Variants in PRKCA observed in about 807,000 individuals in gnomAD.
PRKCA encodes protein kinase C alpha.
In PRKCA, 27 loss-of-function variants were observed where a neutral mutation model predicts 87.0. That is an observed-to-expected ratio of 0.31 (90% CI 0.23 to 0.43). PRKCA has a LOEUF of 0.43. Ranked by LOEUF, PRKCA falls within the 20% of genes least tolerant of loss-of-function variation. The pLI, the probability that PRKCA is intolerant of heterozygous loss-of-function variation, is 1.00. For synonymous variants in PRKCA, 329 were observed against 311.1 expected, an observed-to-expected ratio of 1.06 and a Z score of -0.61; for missense variants, 518 against 852.3, an observed-to-expected ratio of 0.61 and a Z score of 4.88.
intron 2 of PRKCA, among the ~76,000 whole-genome samples, chr17:66,435,345 A>G (rs1216775608): frequency 6.6e-6 from 1 of 152,202 alleles, no homozygotes; most frequent in African/African-American, 2.4e-5. Flanking sequence ...CTTCTTTGTA[A>G]GTGCAGCTTA....
chr17:66,771,185 A>C (rs941134590), intron 13 of PRKCA, among the ~76,000 whole-genome samples: 7 of 151,926 alleles, frequency 4.6e-5, no homozygotes, highest in African/African-American at 7.3e-5. Flanking sequence ...TTGTATTTTT[A>C]GTAGAAACGG....
chr17:66,793,201 G>A (rs1446081466), intron 16 of PRKCA, among the ~76,000 whole-genome samples: 22 of 152,242 alleles, frequency 1.4e-4, no homozygotes, highest in Non-Finnish European at 7.3e-5. Flanking sequence ...AGGACGGTCA[G>A]CTCATTGAGG....
intron 13 of PRKCA, among the ~76,000 whole-genome samples, chr17:66,770,789 T>C (rs754822594): frequency 1.6e-4 from 25 of 152,124 alleles, no homozygotes; most frequent in Admixed American, 3.9e-4. Flanking sequence ...GGTTGCAGTG[T>C]CAGAGAAAAA....
At chr17:66,747,306 G>A (rs900246489) in intron 13 of PRKCA, among the ~76,000 whole-genome samples, 6 of 152,196 alleles carry the variant, frequency 3.9e-5, no homozygotes, top group African/African-American at 1.2e-4. Context: ...CCTGGGCTCA[G>A]GCAGTCCTCC....
At chr17:66,587,901 A>G (rs930987810) in intron 3 of PRKCA, among the ~76,000 whole-genome samples, 9,588 of 51,786 alleles carry the variant, frequency 0.19, 1,339 homozygotes, top group African/African-American at 0.35. Flanking sequence ...GTGTGTATAT[A>G]TATATATATA....
chr17:66,796,655 G>T, intron 16 of PRKCA: 1 of 985,312 alleles, frequency 1.0e-6, no homozygotes, highest in Non-Finnish European at 1.2e-6. Flanking sequence ...AGACCCCTTT[G>T]CTGGATAGCT....
At chr17:66,506,095 A>G (rs1415860307) in intron 3 of PRKCA, among the ~76,000 whole-genome samples, 1 of 152,176 alleles carries the variant, frequency 6.6e-6, no homozygotes, top group Non-Finnish European at 1.5e-5. Context: ...CAGGGGTTTG[A>G]GACCAGCCTG....
At chr17:66,445,160 G>A (rs1329573153) in intron 2 of PRKCA, among the ~76,000 whole-genome samples, 1 of 152,182 alleles carries the variant, frequency 6.6e-6, no homozygotes, top group African/African-American at 2.4e-5. Flanking sequence ...CCTACGGTGG[G>A]ACTTCTGAAT....
At chr17:66,548,370 C>T (rs1351008931) in intron 3 of PRKCA, among the ~76,000 whole-genome samples, 1 of 152,110 alleles carries the variant, frequency 6.6e-6, no homozygotes, top group African/African-American at 2.4e-5. Context: ...TGCCGCCTCC[C>T]TCCCCTCAGA....
At chr17:66,603,318 G>T (rs1485492328) in intron 3 of PRKCA, among the ~76,000 whole-genome samples, 1 of 152,140 alleles carries the variant, frequency 6.6e-6, no homozygotes, top group Non-Finnish European at 1.5e-5. Flanking sequence ...CACTATCATC[G>T]CAGATGCTTC....
At chr17:66,473,916 G>A (rs1426146543) in intron 2 of PRKCA, among the ~76,000 whole-genome samples, 4 of 151,952 alleles carry the variant, frequency 2.6e-5, no homozygotes, top group Non-Finnish European at 5.9e-5. Context: ...TCTGGTTCTG[G>A]GCAACAAGAG....
At chr17:66,742,839 T>C in intron 13 of PRKCA, 79 bp downstream of exon 13, 1 of 1,497,188 alleles carries the variant, frequency 6.7e-7, no homozygotes, top group Non-Finnish European at 9.0e-7. Context: ...ATAGGGTCAC[T>C]GGCGAATCAT....
At chr17:66,400,399 G>A (rs561495965) in intron 2 of PRKCA, among the ~76,000 whole-genome samples, 1 of 152,272 alleles carries the variant, frequency 6.6e-6, no homozygotes, top group South Asian at 2.1e-4. Flanking sequence ...TGATCCCCCC[G>A]CCTTGGCCTC....
At position 66,744,894 on chromosome 17, in the gene PRKCA, G is replaced by A. The variant is rs942350603; in HGVS notation, c.1524+2134G>A. ...GGCCACCACCTGCATTCCTTGGTTC[G>A]TGGTGTCTTCTTCCCTCCCCCATGC... On this transcript the variant is annotated intron_variant, in intron 13 of 16. Coordinates refer to ENST00000413366, the MANE Select transcript of PRKCA (RefSeq NM_002737.3). 3.3e-5 allele frequency among the ~76,000 whole-genome samples: 5 copies of A among 152,092 alleles called. No individual in the cohort carries two copies. The South Asian group carries it at 6.2e-4, about 19-fold the overall frequency.
At chr17:66,762,392 G>A (rs1974706127) in intron 13 of PRKCA, among the ~76,000 whole-genome samples, 1 of 152,302 alleles carries the variant, frequency 6.6e-6, no homozygotes, top group East Asian at 1.9e-4. Context: ...TCAGGTGGGT[G>A]CTGAAATCCC....
intron 13 of PRKCA, among the ~76,000 whole-genome samples, chr17:66,770,351 A>C (rs936165498): frequency 1.3e-5 from 2 of 152,246 alleles, no homozygotes; most frequent in South Asian, 4.1e-4. Flanking sequence ...TTGTTCAGAC[A>C]CTTGCTAATT....
intron 2 of PRKCA, chr17:66,403,651 A>G (rs1381343388): frequency 6.6e-6 from 1 of 152,210 alleles, no homozygotes; most frequent in Non-Finnish European, 1.5e-5. Context: ...TGATGTAGGG[A>G]TATCTTTATT....
intron 2 of PRKCA, among the ~76,000 whole-genome samples, chr17:66,380,920 A>G (rs1178805202): frequency 1.3e-5 from 2 of 151,312 alleles, no homozygotes; most frequent in African/African-American, 2.4e-5. Flanking sequence ...AAAGAATCTA[A>G]GGTATTTTTA....
At chr17:66,772,953 A>G (rs763772848) in intron 13 of PRKCA, among the ~76,000 whole-genome samples, 5 of 152,144 alleles carry the variant, frequency 3.3e-5, no homozygotes, top group Non-Finnish European at 7.3e-5. Flanking sequence ...ACCCATAAAT[A>G]TACTCATTTC....
Sources: gnomAD v4.1 joint callset for allele counts (sites outside exome capture counted in the v4.1 genomes callset) on GRCh38, gnomAD v4.1.1 for gene constraint, MANE v1.5 for transcripts, NCBI Gene and HGNC (gene_info 2026-07-23, HGNC 2026-07-21) for gene names.